Variants in CDH23 observed in about 807,000 individuals in gnomAD.
The protein encoded by CDH23 is cadherin related 23.
CDH23 carries 189 observed loss-of-function variants against 317.1 expected under a neutral mutation model. The ratio of observed to expected loss-of-function variants is 0.60; its 90% CI spans 0.53 to 0.67. The LOEUF (loss-of-function observed/expected upper bound fraction) is 0.67, where lower values mean the gene tolerates loss of function less well. Among genes scored for constraint, CDH23 ranks in the 30% least tolerant of loss-of-function variants. CDH23 has a pLI of 0.00. For missense variants in CDH23, 4,401 were observed against 4,592.4 expected, an observed-to-expected ratio of 0.96 and a Z score of 1.20; for synonymous variants, 1,839 against 1,876.8, an observed-to-expected ratio of 0.98 and a Z score of 0.52.
At chr10:71,734,720 T>A in intron 34 of CDH23, 62 bp downstream of exon 34, 1 of 1,130,594 alleles carries the variant, frequency 8.8e-7, no homozygotes, top group Non-Finnish European at 1.2e-6. Context: ...CTGGCCGGGC[T>A]CTGCCTGGCC....
In CDH23 at chr10:71,570,052, T is replaced by C. The variant is rs201702903; in HGVS notation, c.625-738T>C. ...AGCAGCTGGGACTACAGATGCATCG[T>C]TGAGGTTTTATACAATGAAATTCCC... On this transcript the variant is annotated intron_variant, in intron 7 of 69. Coordinates refer to ENST00000224721, the MANE Select transcript of CDH23 (RefSeq NM_022124.6). 8.3e-4 allele frequency among the ~76,000 whole-genome samples: 126 copies of C among 152,148 alleles called. No individual in the cohort carries two copies. In the East Asian group the frequency reaches 0.011, roughly 13 times the overall value.
chr10:71,552,768 A>G (rs1340594967), intron 6 of CDH23, among the ~76,000 whole-genome samples: 1 of 152,134 alleles, frequency 6.6e-6, no homozygotes, highest in Non-Finnish European at 1.5e-5. Flanking sequence ...AGAATCACAC[A>G]GGGGACCCTG....
rs530212154 is a variant in CDH23 at position 71,785,078 on chromosome 10, G to C, written c.5690G>C (p.Arg1897Pro). ...AACATCACTGCGGGCAACCGCGAGC[G>C]GGCCTTCTTCATCAATGCCACGGTA... is the stretch of plus-strand genomic sequence containing the variant. ...TFNITAGNRERAFFINATTGI... is the reference protein window; with the variant it reads ...TFNITAGNREPAFFINATTGI... Residue 1897 changes from arginine (R) to proline (P), a missense_variant, in exon 43 of 70, where the codon CGG becomes CCG. Coordinates refer to ENST00000224721, the MANE Select transcript of CDH23 (RefSeq NM_022124.6). The C allele has an allele frequency of 5.6e-6, 9 of 1,613,968 alleles. No individual in the cohort carries two copies. The highest frequency in any genetic ancestry group is 7.6e-6 in the Non-Finnish European group (9 of 1,179,814).
chr10:71,571,768 C>T (rs1857828824), intron 8 of CDH23, among the ~76,000 whole-genome samples: 1 of 152,244 alleles, frequency 6.6e-6, no homozygotes, highest in Non-Finnish European at 1.5e-5. Flanking sequence ...GAAAAATGAG[C>T]CCCTTCTTTT....
chr10:71,539,488 CTTTG>C (rs1855876452), intron 6 of CDH23, among the ~76,000 whole-genome samples: 1 of 151,878 alleles, frequency 6.6e-6, no homozygotes, highest in Admixed American at 6.6e-5. Flanking sequence ...CTGCTTGTGG[CTTTG>C]TTTGTTAGAC....
intron 11 of CDH23, among the ~76,000 whole-genome samples, chr10:71,627,179 C>T (rs1010980143): frequency 1.3e-5 from 2 of 152,154 alleles, no homozygotes; most frequent in Non-Finnish European, 2.9e-5. Context: ...GGTCTGTTTG[C>T]AAGGCCTCGG....
chr10:71,477,336 T>G (rs1420053007), intron 3 of CDH23, among the ~76,000 whole-genome samples: 2 of 152,148 alleles, frequency 1.3e-5, no homozygotes, highest in Non-Finnish European at 2.9e-5. Flanking sequence ...GCCCGGCTAA[T>G]TTTTGTATTT....
chr10:71,437,880 C>A (rs896507886), intron 1 of CDH23, among the ~76,000 whole-genome samples: 40 of 152,178 alleles, frequency 2.6e-4, no homozygotes, highest in African/African-American at 9.2e-4. Context: ...ATCATCCCCA[C>A]CCACCCAGCA....
Position 71,667,400 on chromosome 10 carries a change from G to GTGTA in CDH23, c.1450-7709_1450-7708insATGT, listed in dbSNP as rs1564720402. The stretch of plus-strand genomic sequence containing the variant: ...TGTGTGTGTGTGTGTGTGTGTGCGC[G>GTGTA]TGTGTGTGTGAGGGGTGGAGGTGTG... On this transcript the variant is annotated intron_variant, in intron 14 of 69. Transcript: ENST00000224721. Among the ~76,000 whole-genome samples, 5 of 143,718 alleles carry GTGTA rather than the reference G, an allele frequency of 3.5e-5. 1 individual carries two copies. The highest frequency in any genetic ancestry group is 7.6e-5 in the Non-Finnish European group (5 of 65,830). The allele number at this position is 143,718 out of a possible 152,430, so 94.3% of individuals were successfully genotyped here.
chr10:71,746,552 G>T (rs1839857176), intron 38 of CDH23, among the ~76,000 whole-genome samples: 1 of 152,214 alleles, frequency 6.6e-6, no homozygotes, highest in Non-Finnish European at 1.5e-5. Flanking sequence ...CCAGGCCATG[G>T]GAAGACAGGC....
chr10:71,616,022 T>G (rs1861167772), intron 10 of CDH23, among the ~76,000 whole-genome samples: 1 of 152,234 alleles, frequency 6.6e-6, no homozygotes, highest in Non-Finnish European at 1.5e-5. Flanking sequence ...CATGACTTCC[T>G]GTTAAGAAAC....
chr10:71,753,261 G>A (rs939842831), intron 38 of CDH23, among the ~76,000 whole-genome samples: 2 of 152,256 alleles, frequency 1.3e-5, no homozygotes, highest in African/African-American at 4.8e-5. Context: ...AGGAGTGTAA[G>A]AACGCTATCT....
At position 71,708,006 on chromosome 10, in the gene CDH23, TAC is replaced by T. The variant is rs533906227; in HGVS notation, c.3106+959_3106+960del. On this transcript the variant is annotated intron_variant, in intron 26 of 69. Coordinates refer to ENST00000224721, the MANE Select transcript of CDH23 (RefSeq NM_022124.6). ...GCCCAGCACCCTCAGGCCCACTCCT[TAC>T]AGTCTGGCCCTCAAGTCGGCCCTAG... is the stretch of plus-strand genomic sequence containing the variant. 1.7e-3 allele frequency among the ~76,000 whole-genome samples: 262 copies of T among 152,178 alleles called. 2 individuals are homozygous for T. The highest frequency in any genetic ancestry group is 5.9e-3 in the African/African-American group (247 of 41,520).
intron 1 of CDH23, among the ~76,000 whole-genome samples, chr10:71,403,331 CTTTCTTTCTTTCTTTCTTT>C (rs1564557845): frequency 0.013 from 669 of 52,286 alleles, 81 homozygotes; most frequent in African/African-American, 0.021. Context: ...TCCTTCCTTT[CTTTCTTTCTTTCTTTCTTT>C]CTTTCTTTCT....
At chr10:71,814,347 C>T (rs767672084) in intron 69 of CDH23, among the ~76,000 whole-genome samples, 33 of 152,204 alleles carry the variant, frequency 2.2e-4, no homozygotes. Context: ...CCCAGGAGTC[C>T]GAGGCTGCAC....
At chr10:71,398,428 A>AGAGTGTGT (rs759251355) in intron 1 of CDH23, among the ~76,000 whole-genome samples, 4 of 120,248 alleles carry the variant, frequency 3.3e-5, no homozygotes, top group African/African-American at 1.3e-4. Flanking sequence ...GAGACACAGG[A>AGAGTGTGT]GTGTGTGTGT....
chr10:71,563,042 C>T (rs557292151), intron 6 of CDH23, among the ~76,000 whole-genome samples: 13 of 152,268 alleles, frequency 8.5e-5, no homozygotes, highest in Admixed American at 3.3e-4. Flanking sequence ...GAGCTGTGGT[C>T]ATGAGGAGCA....
intron 51 of CDH23, 23 bp downstream of exon 51, chr10:71,799,303 G>A (rs377533244): frequency 1.1e-5 from 17 of 1,613,838 alleles, no homozygotes; most frequent in African/African-American, 1.3e-5. Flanking sequence ...GCCACAGGCT[G>A]GGTCCAGGAC....
intron 13 of CDH23, 49 bp downstream of exon 13, chr10:71,646,029 C>T: frequency 6.3e-7 from 1 of 1,588,196 alleles, no homozygotes; most frequent in Non-Finnish European, 8.6e-7. Flanking sequence ...GGGTGGATTT[C>T]AGGGGAGGCG....
Sources: allele counts gnomAD v4.1 joint callset (sites outside exome capture counted in the v4.1 genomes callset), GRCh38; gene constraint gnomAD v4.1.1; transcripts MANE v1.5; gene names NCBI Gene and HGNC (gene_info 2026-07-23, HGNC 2026-07-21).